Variants in OARD1 observed in about 807,000 individuals in gnomAD.
The protein encoded by OARD1 is ADP-ribose glycohydrolase OARD1.
Under a neutral mutation model 19.7 loss-of-function variants are expected in OARD1, and 19 were observed. The observed-to-expected ratio is 0.96, with a 90% CI of 0.67 to 1.41. The LOEUF is 1.41. OARD1 is among the 40% of genes most tolerant of loss of function. The pLI is 0.00. For synonymous variants in OARD1, 70 were observed against 61.8 expected (o/e 1.13, Z -0.62); for missense variants, 190 against 183.8 (o/e 1.03, Z -0.20).
At chr6:41,080,747 C>T in intron 1 of OARD1, 1 of 1,342,076 alleles carries the variant, frequency 7.5e-7, no homozygotes, top group Non-Finnish European at 1.1e-6. Flanking sequence ...GTAAGGTGAT[C>T]TGTGTCTTGA....
At chr6:41,097,413 C>T in intron 1 of OARD1, 4 of 1,613,840 alleles carry the variant, frequency 2.5e-6, no homozygotes, top group Non-Finnish European at 3.4e-6. Flanking sequence ...TGTCCTAACC[C>T]CACGCCATGT....
At chr6:41,094,339 T>C in intron 1 of OARD1, 2 of 1,455,930 alleles carry the variant, frequency 1.4e-6, no homozygotes, top group Admixed American at 3.4e-5. Flanking sequence ...GTGCACTAGA[T>C]AACTGTGCTG....
upstream of OARD1, chr6:41,072,936 G>T: frequency 6.5e-6 from 1 of 153,968 alleles, no homozygotes; most frequent in South Asian, 1.8e-4. Context: ...GGCGGTTGGA[G>T]GGAGGCCCGA....
chr6:41,077,552 T>C (rs1763775934), upstream of OARD1, among the ~76,000 whole-genome samples: 2 of 152,100 alleles, frequency 1.3e-5, no homozygotes, highest in Admixed American at 6.5e-5. Context: ...GTATTGTGTA[T>C]TAGAGACAAG....
rs555896307 is a variant in OARD1 at position 41,067,074 on chromosome 6, C to T, written c.*261G>A. The T allele has an allele frequency of 2.9e-4, 68 of 238,508 alleles. No homozygotes were observed. The highest frequency in any genetic ancestry group is 1.5e-3 in the African/African-American group (67 of 44,700). 14.8% of individuals were successfully genotyped at this position (238,508 alleles called of 1,614,324 possible). A position where few individuals can be genotyped will look rare whatever the true frequency, so the allele number is the denominator to read the frequency against. ...CATACTGGAGAAAAAGGTCATAGTC[C>T]CGACAATCTGGTTTCCCTGCCTATT... On this transcript the variant is annotated 3_prime_UTR_variant, in exon 6 of 6. Coordinates refer to ENST00000424266, the MANE Select transcript of OARD1 (RefSeq NM_001329686.2).
chr6:41,082,254 G>A (rs1334761136), intron 1 of OARD1, among the ~76,000 whole-genome samples: 1 of 152,218 alleles, frequency 6.6e-6, no homozygotes, highest in African/African-American at 2.4e-5. Flanking sequence ...TAAGCCGAAA[G>A]AAACTGAGCT....
Position 41,064,809 on chromosome 6 carries a change from G to A in OARD1, c.*2526C>T, listed in dbSNP as rs532752880. 9 of 152,286 alleles carry A rather than the reference G, an allele frequency of 5.9e-5. No homozygotes were observed. Among genetic ancestry groups the A allele is most frequent in the South Asian group, 2.1e-4 (1 of 4,826 alleles). The allele number at this position is 152,286 out of a possible 1,614,324, so 9.4% of individuals were successfully genotyped here. The stretch of plus-strand genomic sequence containing the variant: ...AGCAACTAGCTTCTTTATTAGAGAG[G>A]AGCGGGTGAAAAGTAGTAGTTTAAT... On this transcript the variant is annotated 3_prime_UTR_variant, in exon 6 of 6. Coordinates refer to ENST00000424266, the MANE Select transcript of OARD1 (RefSeq NM_001329686.2).
At chr6:41,067,494 C>A in intron 5 of OARD1, 57 bp from the exon 6 acceptor site, 3 of 1,202,682 alleles carry the variant, frequency 2.5e-6, no homozygotes, top group Non-Finnish European at 1.2e-6. Flanking sequence ...GAAACTGCTC[C>A]TCTCTTTTAA....
chr6:41,097,489 A>C, intron 1 of OARD1: 2 of 1,432,440 alleles, frequency 1.4e-6, no homozygotes, highest in South Asian at 2.3e-5. Context: ...CCAATGGGAC[A>C]TTGATGATCA....
chr6:41,097,428 G>A, intron 1 of OARD1: 2 of 1,613,094 alleles, frequency 1.2e-6, no homozygotes, highest in South Asian at 1.1e-5. Context: ...CCATGTGATG[G>A]AGCTGATCAA....
At chr6:41,092,879 C>T in intron 1 of OARD1, 1 of 1,589,248 alleles carries the variant, frequency 6.3e-7, no homozygotes, top group African/African-American at 1.4e-5. Context: ...ATACTTCATG[C>T]CACCAATAAG....
chr6:41,086,335 T>C (rs557664340), intron 1 of OARD1, among the ~76,000 whole-genome samples: 1 of 152,332 alleles, frequency 6.6e-6, no homozygotes, highest in Non-Finnish European at 1.5e-5. Flanking sequence ...TAGCTCTAAA[T>C]TCTGTGATTT....
intron 1 of OARD1, among the ~76,000 whole-genome samples, chr6:41,095,874 A>G (rs1354489239): frequency 6.6e-6 from 1 of 152,222 alleles, no homozygotes; most frequent in South Asian, 2.1e-4. Flanking sequence ...AGTAAGTTGT[A>G]TTTAAGTACT....
intron 1 of OARD1, among the ~76,000 whole-genome samples, chr6:41,085,829 G>C (rs1764030346): frequency 6.6e-6 from 1 of 151,910 alleles, no homozygotes; most frequent in African/African-American, 2.4e-5. Flanking sequence ...ATATAGTTAA[G>C]GATTTTGGTT....
intron 1 of OARD1, among the ~76,000 whole-genome samples, chr6:41,081,500 A>AG (rs1166473314): frequency 6.6e-6 from 1 of 152,188 alleles, no homozygotes; most frequent in Non-Finnish European, 1.5e-5. Context: ...AAAAAAAAAA[A>AG]AAAGAATTTA....
At chr6:41,069,386 A>G (rs541447970) in intron 4 of OARD1, 1 of 154,850 alleles carries the variant, frequency 6.5e-6, no homozygotes, top group Admixed American at 6.5e-5. Context: ...CTCTCTACAT[A>G]AAACAACAGA....
chr6:41,071,389 A>G (rs1418955165), intron 2 of OARD1, 113 bp from the exon 3 acceptor site: 2 of 1,144,856 alleles, frequency 1.7e-6, no homozygotes, highest in South Asian at 1.4e-5. Context: ...CCCTTCCTCC[A>G]ATCTGATTTA....
At chr6:41,088,988 A>AT (rs1764122306) in intron 1 of OARD1, among the ~76,000 whole-genome samples, 1 of 151,620 alleles carries the variant, frequency 6.6e-6, no homozygotes, top group Admixed American at 6.6e-5. Context: ...AGTGTATTTT[A>AT]TTTTTTTATT....
Position 41,071,520 on chromosome 6 carries a change from A to G in OARD1, c.39+76T>C, listed in dbSNP as rs557395792. The stretch of plus-strand genomic sequence containing the variant: ...AAAAGATAATGCAATCATTAATTTA[A>G]TTAAAAAGTGTTTATGCTTTTGACC... On this transcript the variant is annotated intron_variant, in intron 2 of 5. Coordinates refer to ENST00000424266, the MANE Select transcript of OARD1 (RefSeq NM_001329686.2). 1.1e-4 allele frequency: 141 copies of G among 1,275,340 alleles called. 1 individual carries two copies. In the East Asian group the frequency reaches 3.2e-3, roughly 29 times the overall value. 79.0% of individuals were successfully genotyped at this position (1,275,340 alleles called of 1,614,324 possible).
Sources: gnomAD v4.1 joint callset for allele counts (sites outside exome capture counted in the v4.1 genomes callset) on GRCh38, gnomAD v4.1.1 for gene constraint, MANE v1.5 for transcripts, NCBI Gene and HGNC (gene_info 2026-07-23, HGNC 2026-07-21) for gene names.